The following RELCH variants were observed in gnomAD, a reference collection of about 807,000 sequenced individuals.
RELCH encodes RAB11 binding and LisH domain, coiled-coil and HEAT repeat containing.
RELCH carries 41 observed loss-of-function variants against 150.3 expected under a neutral mutation model. The ratio of observed to expected loss-of-function variants is 0.27; its 90% CI spans 0.21 to 0.35. The LOEUF is 0.35. Among genes scored for constraint, RELCH ranks in the 10% least tolerant of loss-of-function variants. The pLI is 1.00. For synonymous variants in RELCH, 478 were observed against 531.8 expected, an observed-to-expected ratio of 0.90 and a Z score of 1.39; for missense variants, 1,092 against 1,467.8, an observed-to-expected ratio of 0.74 and a Z score of 4.18.
chr18:62,261,393 C>A, intron 15 of RELCH, 118 bp from the exon 16 acceptor site: 1 of 823,594 alleles, frequency 1.2e-6, no homozygotes, highest in Non-Finnish European at 1.9e-6. Flanking sequence ...TGTTTGAGTC[C>A]AACATAAAGG....
chr18:62,228,685 G>T, intron 8 of RELCH, 87 bp downstream of exon 8: 2 of 980,044 alleles, frequency 2.0e-6, no homozygotes, highest in East Asian at 2.7e-5. Flanking sequence ...TATTTAAACC[G>T]CTTTTTTGCA....
At chr18:62,278,943 A>T (rs529817495) in intron 22 of RELCH, among the ~76,000 whole-genome samples, 1 of 152,306 alleles carries the variant, frequency 6.6e-6, no homozygotes, top group African/African-American at 2.4e-5. Flanking sequence ...TCTTCCAAAC[A>T]TATTACAAAT....
At chr18:62,213,107 A>T (rs1346745067) in intron 2 of RELCH, among the ~76,000 whole-genome samples, 1 of 152,152 alleles carries the variant, frequency 6.6e-6, no homozygotes, top group Non-Finnish European at 1.5e-5. Flanking sequence ...TTCAAATTTT[A>T]GGATGAATTT....
At chr18:62,266,447 A>C (rs1297288044) in intron 18 of RELCH, among the ~76,000 whole-genome samples, 1 of 151,882 alleles carries the variant, frequency 6.6e-6, no homozygotes, top group East Asian at 1.9e-4. Flanking sequence ...AATAAAAGAA[A>C]CCAGAGGCCA....
chr18:62,189,725 A>G (rs17069540), intron 1 of RELCH, among the ~76,000 whole-genome samples: 4,380 of 152,222 alleles, frequency 0.029, 158 homozygotes, highest in East Asian at 0.18. Flanking sequence ...CCTCCTTGCA[A>G]ACTTTTTGTA....
chr18:62,241,179 C>G (rs924311149), intron 10 of RELCH, among the ~76,000 whole-genome samples: 1 of 152,172 alleles, frequency 6.6e-6, no homozygotes, highest in Admixed American at 6.6e-5. Flanking sequence ...CTCTTGCTGA[C>G]CTGCCCTTTG....
At chr18:62,231,499 T>C (rs2041576881) in intron 9 of RELCH, among the ~76,000 whole-genome samples, 1 of 152,054 alleles carries the variant, frequency 6.6e-6, no homozygotes, top group Non-Finnish European at 1.5e-5. Flanking sequence ...AAGTGACATT[T>C]TATAAACTCT....
In RELCH at chr18:62,291,157, G is replaced by T. The variant is rs1026338732; in HGVS notation, c.3371-386G>T. 3.9e-5 allele frequency among the ~76,000 whole-genome samples: 6 copies of T among 152,256 alleles called. No individual in the cohort carries two copies. In the East Asian group the frequency reaches 7.7e-4, roughly 20 times the overall value. On this transcript the variant is annotated intron_variant, in intron 26 of 28. Coordinates refer to ENST00000644646, the MANE Select transcript of RELCH (RefSeq NM_001346231.2). Reference sequence around the variant, plus strand: ...TAAACAGCAATGTTTTAAGCAATTTGCATTTATCAGTTTTTCCCAAAACTT... The same window carrying T: ...TAAACAGCAATGTTTTAAGCAATTTTCATTTATCAGTTTTTCCCAAAACTT...
At chr18:62,291,480 C>G in intron 26 of RELCH, 63 bp from the exon 27 acceptor site, 1 of 890,696 alleles carries the variant, frequency 1.1e-6, no homozygotes, top group East Asian at 2.6e-5. Flanking sequence ...TGTAGTAACT[C>G]GGTTGTTCTG....
chr18:62,275,528 C>G (rs776000835), intron 22 of RELCH, 55 bp downstream of exon 22: 1 of 941,614 alleles, frequency 1.1e-6, no homozygotes, highest in Non-Finnish European at 1.7e-6. Context: ...TTTTTTTTTG[C>G]GAAGAAGAAG....
chr18:62,220,329 G>C (rs930023061), intron 2 of RELCH, among the ~76,000 whole-genome samples: 2 of 149,856 alleles, frequency 1.3e-5, no homozygotes, highest in African/African-American at 4.9e-5. Flanking sequence ...TCTATCCTGT[G>C]GCTCTAAATG....
rs200730602 is a variant in RELCH, at chr18:62,274,027, G to T, written c.2808G>T (p.Thr936=). ...TTGGATTCTTAGAAGATGTAATGACGCTGCTTTCATTATCTCATGCTCCTC... is the reference window on the plus strand; with the variant it reads ...TTGGATTCTTAGAAGATGTAATGACTCTGCTTTCATTATCTCATGCTCCTC... The part of the protein sequence containing the change: ...LLVGFLEDVM[T]LLSLSHAPLD... The change falls in exon 21 of 29, where the codon ACG becomes ACT. Residue 936 remains threonine, a synonymous_variant. Coordinates refer to ENST00000644646, the MANE Select transcript of RELCH (RefSeq NM_001346231.2). 81 of 1,612,888 alleles carry T rather than the reference G, an allele frequency of 5.0e-5. No individual in the cohort carries two copies. Among genetic ancestry groups the T allele is most frequent in the Middle Eastern group, 1.6e-4 (1 of 6,074 alleles).
intron 20 of RELCH, among the ~76,000 whole-genome samples, chr18:62,272,259 A>G (rs934617463): frequency 5.3e-5 from 8 of 152,132 alleles, no homozygotes; most frequent in African/African-American, 1.9e-4. Context: ...TATGCCTACC[A>G]TTCTCTAACT....
intron 19 of RELCH, among the ~76,000 whole-genome samples, chr18:62,267,772 T>A (rs2043666967): frequency 6.6e-6 from 1 of 151,906 alleles, no homozygotes; most frequent in Non-Finnish European, 1.5e-5. Context: ...ATTCTTGTGA[T>A]AAATTAGTGA....
intron 11 of RELCH, among the ~76,000 whole-genome samples, chr18:62,249,861 T>C (rs2042609906): frequency 6.6e-6 from 1 of 152,002 alleles, no homozygotes; most frequent in African/African-American, 2.4e-5. Context: ...ATAAATAACA[T>C]GAAAAAAGCA....
chr18:62,221,622 C>T (rs2040881669), intron 5 of RELCH, 125 bp downstream of exon 5: 2 of 466,538 alleles, frequency 4.3e-6, no homozygotes, highest in South Asian at 9.5e-5. Flanking sequence ...AGGCTAGTTA[C>T]TAGAACAGCA....
intron 13 of RELCH, 105 bp downstream of exon 13, chr18:62,255,583 G>A: frequency 1.3e-6 from 1 of 793,380 alleles, no homozygotes; most frequent in Non-Finnish European, 2.0e-6. Context: ...TAGATGTGCT[G>A]TCTTAATAAA....
intron 1 of RELCH, among the ~76,000 whole-genome samples, chr18:62,193,669 T>C (rs1359420094): frequency 6.6e-6 from 1 of 152,228 alleles, no homozygotes; most frequent in African/African-American, 2.4e-5. Flanking sequence ...ATTACATTAC[T>C]GATTTGTGTA....
At chr18:62,294,710 A>T (rs1269296336) in intron 27 of RELCH, among the ~76,000 whole-genome samples, 1 of 152,242 alleles carries the variant, frequency 6.6e-6, no homozygotes. Flanking sequence ...TTTATAAAAG[A>T]CATTATTTCC....
Sources: gnomAD v4.1 joint callset for allele counts (sites outside exome capture counted in the v4.1 genomes callset) on GRCh38, gnomAD v4.1.1 for gene constraint, MANE v1.5 for transcripts, NCBI Gene and HGNC (gene_info 2026-07-23, HGNC 2026-07-21) for gene names.